PCDHGA1: variants seen among roughly 807,000 people sequenced by gnomAD.
The protein encoded by PCDHGA1 is protocadherin gamma-A1.
A neutral mutation model predicts 58.0 loss-of-function variants in PCDHGA1; 32 were observed. The ratio of observed to expected loss-of-function variants is 0.55; its 90% confidence interval spans 0.42 to 0.74. PCDHGA1 has a LOEUF of 0.74. PCDHGA1 is among the 30% of genes least tolerant of loss of function. The pLI is 0.00. For missense variants in PCDHGA1, 1,205 were observed against 1,182.3 expected, an observed-to-expected ratio of 1.02 and a Z score of -0.28; for synonymous variants, 498 against 501.1, an observed-to-expected ratio of 0.99 and a Z score of 0.08.
intron 1 of PCDHGA1, chr5:141,384,384 C>T (rs142665639): frequency 6.2e-7 from 1 of 1,613,816 alleles, no homozygotes; most frequent in Non-Finnish European, 8.5e-7. Flanking sequence ...CCGAAGACAC[C>T]ATCCAGGGGG....
At chr5:141,401,900 AATT>A (rs1215744256) in intron 1 of PCDHGA1, among the ~76,000 whole-genome samples, 1 of 152,196 alleles carries the variant, frequency 6.6e-6, no homozygotes, top group Non-Finnish European at 1.5e-5. Flanking sequence ...CTTTTTCCCA[AATT>A]ATTATATAAG....
intron 1 of PCDHGA1, chr5:141,377,921 A>C (rs1249670755): frequency 6.6e-6 from 1 of 152,150 alleles, no homozygotes; most frequent in African/African-American, 2.4e-5. Flanking sequence ...GTAAAAATCC[A>C]CCTGTAACTG....
chr5:141,384,848 G>A, intron 1 of PCDHGA1: 1 of 1,613,600 alleles, frequency 6.2e-7, no homozygotes, highest in Non-Finnish European at 8.5e-7. Flanking sequence ...CAGGACCACG[G>A]TCAGCCTCCT....
At position 141,473,164 on chromosome 5, in the gene PCDHGA1, G is replaced by A. The variant is rs190029663; in HGVS notation, c.2422-21643G>A. Among the ~76,000 whole-genome samples the A allele has an allele frequency of 1.6e-3, 241 of 152,250 alleles. 5 individuals carry two copies. The highest frequency in any genetic ancestry group is 2.1e-4 in the Non-Finnish European group (14 of 68,014). ...TCTTCAGATCACTAGGGCTAGGAAG[G>A]CCCACTGGTAACTTGAAGGAGTAAA... On this transcript the variant is annotated intron_variant, in intron 1 of 3. Transcript: ENST00000517417.
At chr5:141,494,954 G>A in intron 2 of PCDHGA1, 89 bp downstream of exon 2, 2 of 1,601,116 alleles carry the variant, frequency 1.2e-6, no homozygotes. Context: ...CCCAGCATTT[G>A]CTACAGATGG....
chr5:141,399,997 A>G, intron 1 of PCDHGA1: 1 of 1,612,344 alleles, frequency 6.2e-7, no homozygotes, highest in Non-Finnish European at 8.5e-7. Context: ...AGAGGTGCGC[A>G]CAGCGCGTGC....
Position 141,332,695 on chromosome 5 carries a change from AT to A in PCDHGA1, c.2012del (p.Ile671ThrfsTer62). 6.2e-7 allele frequency: 1 copy of A among 1,613,774 alleles called. No homozygotes were observed. The highest frequency in any genetic ancestry group is 1.3e-5 in the African/African-American group (1 of 74,994). On this transcript the variant is annotated frameshift_variant, in exon 1 of 4. Coordinates refer to ENST00000517417, the MANE Select transcript of PCDHGA1 (RefSeq NM_018912.3). LOFTEE classifies it high-confidence loss of function. The surrounding 1 kb of genome is among the most constrained non-coding windows in gnomAD (Gnocchi z 4.6). ...TVAVADRISDILADLGSLEPS... is the reference protein window; with the variant it reads ...TVAVADRISDXLADLGSLEPS... ...GGCCGTGGCCGACAGGATCTCCGAC[AT>A]CCTGGCCGACCTGGGCAGCCTCGAG... is the stretch of plus-strand genomic sequence containing the variant.
chr5:141,409,828 C>T (rs2154542180), intron 1 of PCDHGA1: 1 of 1,611,128 alleles, frequency 6.2e-7, no homozygotes, highest in Non-Finnish European at 8.5e-7. Flanking sequence ...CGCCCACGCT[C>T]AGCGCCAACG....
Position 141,339,341 on chromosome 5 carries a change from A to G in PCDHGA1, c.2421+6236A>G, listed in dbSNP as rs538701078. 9.3e-6 allele frequency: 15 copies of G among 1,614,258 alleles called. No homozygotes were observed. In the South Asian group the frequency reaches 1.5e-4, roughly 17 times the overall value. ...TATTTATTCAGTAGAGGTGGAAATA[A>G]CAGATATTAACGATAATGCCCCTCG... On this transcript the variant is annotated intron_variant, in intron 1 of 3. Coordinates refer to ENST00000517417, the MANE Select transcript of PCDHGA1 (RefSeq NM_018912.3).
chr5:141,461,389 G>T (rs2099014363), intron 1 of PCDHGA1, among the ~76,000 whole-genome samples: 1 of 152,110 alleles, frequency 6.6e-6, no homozygotes. Context: ...CTGATGATTA[G>T]CGATGTTGAG....
At chr5:141,467,097 G>A (rs912875702) in intron 1 of PCDHGA1, among the ~76,000 whole-genome samples, 1 of 150,152 alleles carries the variant, frequency 6.7e-6, no homozygotes, top group Non-Finnish European at 1.5e-5. Context: ...CTGTCACACA[G>A]GCTGGAGTAC....
At chr5:141,365,992 C>T (rs571544765) in intron 1 of PCDHGA1, 10 of 1,614,132 alleles carry the variant, frequency 6.2e-6, no homozygotes, top group Middle Eastern at 1.6e-4. Context: ...TTGTGCTGGA[C>T]CAGAACGACA....
rs1011965285 is a variant in PCDHGA1, at chr5:141,332,673, C to T, written c.1989C>T (p.Ala663=). The change falls in exon 1 of 4, where the codon GCC becomes GCT. Residue 663 remains alanine (A), a synonymous_variant. Transcript: ENST00000517417. This position sits in a 1 kb window ranked among gnomAD's most constrained non-coding sequence, Gnocchi z 4.6. The part of the protein sequence containing the change: ...PLSATVTLTV[A]VADRISDILA... The stretch of plus-strand genomic sequence containing the variant: ...CCGCCACTGTCACGCTCACCGTGGC[C>T]GTGGCCGACAGGATCTCCGACATCC... 6.2e-7 allele frequency: 1 copy of T among 1,613,692 alleles called. No homozygotes were observed. The highest frequency in any genetic ancestry group is 2.2e-5 in the East Asian group (1 of 44,878).
At chr5:141,354,984 A>C (rs977159014) in intron 1 of PCDHGA1, 5 of 597,460 alleles carry the variant, frequency 8.4e-6, no homozygotes, top group Non-Finnish European at 1.3e-5. Context: ...GTCGCTGTTC[A>C]CCAATCAGGG....
At chr5:141,387,135 T>C (rs2090834693) in intron 1 of PCDHGA1, among the ~76,000 whole-genome samples, 1 of 152,208 alleles carries the variant, frequency 6.6e-6, no homozygotes, top group African/African-American at 2.4e-5. Context: ...ACTGAAACTA[T>C]TGGGAAGGGG....
intron 1 of PCDHGA1, among the ~76,000 whole-genome samples, chr5:141,449,131 G>A (rs530494400): frequency 7.9e-5 from 12 of 152,220 alleles, no homozygotes; most frequent in Non-Finnish European, 1.3e-4. Flanking sequence ...CCCAGAAATG[G>A]AATTGAAATT....
chr5:141,356,796 G>A (rs1760345671), intron 1 of PCDHGA1: 2 of 1,614,028 alleles, frequency 1.2e-6, no homozygotes, highest in Non-Finnish European at 8.5e-7. Context: ...AGCTGCTGAT[G>A]ACAGCCAGTG....
At chr5:141,508,642 T>A (rs893357826) in intron 3 of PCDHGA1, among the ~76,000 whole-genome samples, 13 of 152,070 alleles carry the variant, frequency 8.5e-5, no homozygotes, top group Admixed American at 2.6e-4. Flanking sequence ...AGCTACTCCG[T>A]CAGGCCCTTC....
At chr5:141,346,518 C>A in intron 1 of PCDHGA1, 1 of 1,596,576 alleles carries the variant, frequency 6.3e-7, no homozygotes. Flanking sequence ...TATTATAAAG[C>A]TTTAACACAT....
Sources: allele counts gnomAD v4.1 joint callset (sites outside exome capture counted in the v4.1 genomes callset), GRCh38; gene constraint gnomAD v4.1.1; non-coding constraint Gnocchi (gnomAD v3.1); transcripts MANE v1.5; gene names NCBI Gene and HGNC (gene_info 2026-07-23, HGNC 2026-07-21).